The following CHEK1 variants were observed in gnomAD, a reference collection of about 807,000 sequenced individuals.
The protein encoded by CHEK1 is serine/threonine-protein kinase Chk1.
CHEK1 carries 32 observed loss-of-function variants against 60.2 expected under a neutral mutation model. The observed-to-expected ratio is 0.53, with a 90% confidence interval of 0.40 to 0.71. The LOEUF (loss-of-function observed/expected upper bound fraction) is 0.71. Ranked by LOEUF, CHEK1 falls within the 30% of genes least tolerant of loss-of-function variation. The probability of loss-of-function intolerance (pLI) is 0.00; values close to 1 mark genes in which losing one functional copy is unlikely to be tolerated. For missense variants in CHEK1, 399 were observed against 564.6 expected, an observed-to-expected ratio of 0.71 and a Z score of 2.97; for synonymous variants, 179 against 187.2, an observed-to-expected ratio of 0.96 and a Z score of 0.36.
At chr11:125,626,646 A>C in intron 1 of CHEK1, 103 bp from the exon 2 acceptor site, 42 of 927,626 alleles carry the variant, frequency 4.5e-5, no homozygotes, top group Non-Finnish European at 6.7e-5. Context: ...GGGGAAGGCA[A>C]GAGCTGTTAA....
chr11:125,660,895 C>T (rs1481134050), downstream of CHEK1, among the ~76,000 whole-genome samples: 1 of 152,126 alleles, frequency 6.6e-6, no homozygotes, highest in Non-Finnish European at 1.5e-5. Context: ...CCTGCCTCAG[C>T]CTCCCGAGTA....
intron 13 of CHEK1, chr11:125,672,543 T>TG (rs886979764): frequency 2.5e-6 from 4 of 1,604,960 alleles, no homozygotes; most frequent in Admixed American, 1.7e-5. Flanking sequence ...CCAAATAGAG[T>TG]GATGGAGGCT....
intron 1 of CHEK1, 180 bp downstream of exon 1, chr11:125,626,192 G>A (rs184813127): frequency 5.0e-6 from 3 of 594,256 alleles, no homozygotes; most frequent in Admixed American, 5.8e-5. Context: ...TTCCCGTTGT[G>A]GGGGCGGGGG....
At chr11:125,660,706 T>C (rs1412953242), downstream of CHEK1, among the ~76,000 whole-genome samples, 1 of 152,298 alleles carries the variant, frequency 6.6e-6, no homozygotes, top group African/African-American at 2.4e-5. Context: ...CCCCACTTGC[T>C]TTCTTTTGGC....
downstream of CHEK1, chr11:125,678,036 TC>T: frequency 1.2e-6 from 2 of 1,614,096 alleles, no homozygotes; most frequent in Non-Finnish European, 1.7e-6. Flanking sequence ...ATGCTCACCT[TC>T]AGCATGTTCA....
At chr11:125,632,568 C>T (rs1940906335) in intron 5 of CHEK1, among the ~76,000 whole-genome samples, 1 of 152,132 alleles carries the variant, frequency 6.6e-6, no homozygotes, top group African/African-American at 2.4e-5. Context: ...AAGTTAAGTC[C>T]TGCCTGCAGT....
intron 13 of CHEK1, among the ~76,000 whole-genome samples, chr11:125,664,939 G>A (rs544301503): frequency 1.2e-4 from 18 of 152,208 alleles, no homozygotes; most frequent in East Asian, 5.8e-4. Flanking sequence ...TTCATTTTCA[G>A]TTGATTTTTG....
intron 8 of CHEK1, among the ~76,000 whole-genome samples, chr11:125,641,898 A>G (rs1024868920): frequency 2.0e-5 from 3 of 152,122 alleles, no homozygotes; most frequent in Non-Finnish European, 4.4e-5. Flanking sequence ...ATTCTACCCA[A>G]ATCCTCCAAT....
chr11:125,665,021 C>T (rs1055760778), intron 13 of CHEK1, among the ~76,000 whole-genome samples: 2 of 152,042 alleles, frequency 1.3e-5, no homozygotes, highest in Non-Finnish European at 2.9e-5. Flanking sequence ...TTTCTAGAAT[C>T]ATTTATTGAA....
chr11:125,681,063 T>TA (rs11398416), downstream of CHEK1: 122,929 of 168,572 alleles, frequency 0.73, 43,868 homozygotes, highest in South Asian at 0.8. The surrounding 1 kb of genome is among the most constrained non-coding windows in gnomAD (Gnocchi z 4.2). Context: ...GCCCTATCTT[T>TA]AAAAAAAAAA....
At chr11:125,633,787 G>A (rs1050366742) in intron 6 of CHEK1, among the ~76,000 whole-genome samples, 3 of 152,076 alleles carry the variant, frequency 2.0e-5, no homozygotes, top group Admixed American at 6.5e-5. Context: ...TGTCTTGATC[G>A]GTTTGGTAAC....
chr11:125,626,897 T>C, intron 2 of CHEK1, 64 bp downstream of exon 2: 6 of 1,519,652 alleles, frequency 3.9e-6, no homozygotes, highest in Admixed American at 1.7e-5. Flanking sequence ...AGTCTCACAC[T>C]CTGGTGATTT....
At chr11:125,659,371 TGA>T (rs1941974052), downstream of CHEK1, among the ~76,000 whole-genome samples, 1 of 152,144 alleles carries the variant, frequency 6.6e-6, no homozygotes, top group Non-Finnish European at 1.5e-5. Flanking sequence ...TTGATTGCTA[TGA>T]TAGTTTCAGA....
intron 13 of CHEK1, among the ~76,000 whole-genome samples, chr11:125,667,532 C>G (rs920826817): frequency 2.0e-5 from 3 of 152,118 alleles, no homozygotes; most frequent in African/African-American, 7.2e-5. Flanking sequence ...GGACTCATAT[C>G]ATCAGTAAAG....
rs1356561612 is a variant in CHEK1, at chr11:125,627,749, T to G, written c.208T>G (p.Phe70Val). Reference protein sequence around the residue: ...KMLNHENVVKFYGHRREGNIQ... With the variant: ...KMLNHENVVKVYGHRREGNIQ... ...GCTAAATCATGAAAATGTAGTAAAA[T>G]TCTATGGTCACAGGAGAGAAGGCAA... The change falls in exon 3 of 13, where the codon TTC (phenylalanine) becomes GTC (valine). Residue 70 changes from phenylalanine (F) to valine (V), a missense_variant. By Grantham distance (50) the Phe-to-Val change is conservative. Around this residue, in one of 2 missense-constraint regions of CHEK1, gnomAD observed 370 missense variants for 494.8 expected, o/e 0.75. Coordinates refer to ENST00000438015, the MANE Select transcript of CHEK1 (RefSeq NM_001114122.3). 2.5e-6 allele frequency: 4 copies of G among 1,613,580 alleles called. No homozygotes were observed. Among genetic ancestry groups the G allele is most frequent in the Non-Finnish European group, 3.4e-6 (4 of 1,179,870 alleles).
intron 13 of CHEK1, chr11:125,672,493 G>T: frequency 1.4e-6 from 2 of 1,401,408 alleles, no homozygotes; most frequent in South Asian, 1.3e-5. Context: ...GGCAGATGTG[G>T]TCAGTTGTTG....
At chr11:125,679,216 C>CT (rs71045115), downstream of CHEK1, among the ~76,000 whole-genome samples, 2,386 of 121,044 alleles carry the variant, frequency 0.02, 85 homozygotes, top group Non-Finnish European at 0.026. Flanking sequence ...CCGTCTCTTT[C>CT]TTTTTTTTTT....
chr11:125,644,025 A>G, intron 9 of CHEK1, 66 bp from the exon 10 acceptor site: 1 of 1,561,044 alleles, frequency 6.4e-7, no homozygotes, highest in Non-Finnish European at 8.7e-7. Flanking sequence ...CTTGTGTGTG[A>G]TATAAGAAAG....
Position 125,643,879 on chromosome 11 carries a change from C to G in CHEK1, c.902C>G (p.Ser301Cys). 6.2e-7 allele frequency: 1 copy of G among 1,613,956 alleles called. No homozygotes were observed. The highest frequency in any genetic ancestry group is 1.1e-5 in the South Asian group (1 of 91,064). The change falls in exon 9 of 13, where the codon TCT (serine) becomes TGT (cysteine). Residue 301 changes from serine to cysteine, a missense_variant. Ser to Cys is a moderately radical substitution (Grantham distance 112, BLOSUM62 -1). Transcript: ENST00000438015. Reference protein sequence around the residue: ...SKHIQSNLDFSPVNSASSEEN... With the variant: ...SKHIQSNLDFCPVNSASSEEN... The stretch of plus-strand genomic sequence containing the variant: ...CACATTCAATCCAATTTGGACTTCT[C>G]TCCAGTAAACAGTGCTTCTAGGTAA...
Sources: allele counts gnomAD v4.1 joint callset (sites outside exome capture counted in the v4.1 genomes callset), GRCh38; gene constraint gnomAD v4.1.1; regional missense constraint gnomAD v4.1.1; non-coding constraint Gnocchi (gnomAD v3.1); transcripts MANE v1.5; gene names NCBI Gene and HGNC (gene_info 2026-07-23, HGNC 2026-07-21).